Variants in PTPRK observed in about 807,000 individuals in gnomAD.
PTPRK encodes protein tyrosine phosphatase receptor type K.
PTPRK carries 75 observed loss-of-function variants against 178.0 expected under a neutral mutation model. The ratio of observed to expected loss-of-function variants is 0.42; its 90% confidence interval spans 0.35 to 0.51. PTPRK has a LOEUF of 0.51. PTPRK is among the 20% of genes least tolerant of loss of function. PTPRK has a pLI of 0.02. For missense variants in PTPRK, 1,441 were observed against 1,797.8 expected (o/e 0.80, Z 3.59); for synonymous variants, 637 against 620.6 (o/e 1.03, Z -0.39).
intron 1 of PTPRK, among the ~76,000 whole-genome samples, chr6:128,455,207 C>T (rs1379397830): frequency 6.6e-6 from 1 of 152,042 alleles, no homozygotes; most frequent in Non-Finnish European, 1.5e-5. Flanking sequence ...CACAAGTCAT[C>T]TAAATTAGCA....
intron 10 of PTPRK, 124 bp downstream of exon 10, chr6:128,082,313 A>G (rs964411492): frequency 1.2e-6 from 1 of 851,946 alleles, no homozygotes; most frequent in Non-Finnish European, 1.9e-6. Flanking sequence ...TCATTTATGC[A>G]TAACTATATT....
intron 2 of PTPRK, among the ~76,000 whole-genome samples, chr6:128,378,382 C>T (rs1365524223): frequency 6.6e-6 from 1 of 152,036 alleles, no homozygotes; most frequent in Non-Finnish European, 1.5e-5. Context: ...CAGACACACA[C>T]AGAGATGTAC....
intron 2 of PTPRK, among the ~76,000 whole-genome samples, chr6:128,392,289 T>C (rs1839706868): frequency 6.6e-6 from 1 of 152,172 alleles, no homozygotes; most frequent in African/African-American, 2.4e-5. Flanking sequence ...ATATACAGTG[T>C]GTGCATTTTA....
intron 7 of PTPRK, among the ~76,000 whole-genome samples, chr6:128,133,814 C>T (rs917845938): frequency 3.3e-5 from 5 of 151,502 alleles, no homozygotes; most frequent in Admixed American, 6.6e-5. Flanking sequence ...TGCCTTCCAA[C>T]GTGCTAGGAT....
chr6:128,472,125 C>A (rs1322469952), intron 1 of PTPRK, among the ~76,000 whole-genome samples: 2 of 152,110 alleles, frequency 1.3e-5, no homozygotes, highest in Non-Finnish European at 2.9e-5. Flanking sequence ...AAGGCTGCTT[C>A]TTCCCTCCAG....
At chr6:128,454,907 C>T (rs892841968) in intron 1 of PTPRK, among the ~76,000 whole-genome samples, 17 of 152,020 alleles carry the variant, frequency 1.1e-4, no homozygotes, top group African/African-American at 3.9e-4. Flanking sequence ...TTTTTTAATG[C>T]TCTCCTTTTA....
intron 13 of PTPRK, among the ~76,000 whole-genome samples, chr6:128,036,854 C>G (rs1162057185): frequency 6.6e-6 from 1 of 151,860 alleles, no homozygotes; most frequent in Non-Finnish European, 1.5e-5. Flanking sequence ...GCCTCAGTCT[C>G]TGGAGTAGCT....
At chr6:128,228,328 C>T (rs1402164533) in intron 5 of PTPRK, among the ~76,000 whole-genome samples, 3 of 151,768 alleles carry the variant, frequency 2.0e-5, no homozygotes, top group East Asian at 3.9e-4. Context: ...ATCAAGGGTA[C>T]AGATAAAGTA....
intron 2 of PTPRK, among the ~76,000 whole-genome samples, chr6:128,380,172 A>G (rs1455755033): frequency 6.6e-6 from 1 of 152,124 alleles, no homozygotes; most frequent in Non-Finnish European, 1.5e-5. Flanking sequence ...AAACCTACAG[A>G]TATTAGCCTC....
At chr6:128,182,844 A>G (rs1802147131) in intron 7 of PTPRK, among the ~76,000 whole-genome samples, 1 of 152,174 alleles carries the variant, frequency 6.6e-6, no homozygotes. Context: ...TAAGTTAAAC[A>G]AAAATTACAT....
chr6:128,219,465 C>T (rs1484494186), intron 5 of PTPRK, among the ~76,000 whole-genome samples: 1 of 152,146 alleles, frequency 6.6e-6, no homozygotes, highest in African/African-American at 2.4e-5. Context: ...GAATCTAATG[C>T]CACAGCTGAT....
intron 2 of PTPRK, among the ~76,000 whole-genome samples, chr6:128,344,507 T>C (rs190810200): frequency 2.0e-5 from 3 of 152,114 alleles, no homozygotes; most frequent in African/African-American, 7.2e-5. Context: ...CAGTCTTTTA[T>C]CCACCCCCTC....
intron 27 of PTPRK, among the ~76,000 whole-genome samples, chr6:127,975,011 C>T (rs949446656): frequency 6.6e-6 from 1 of 152,010 alleles, no homozygotes; most frequent in African/African-American, 2.4e-5. Context: ...ACTTAGTACT[C>T]TACAAACTTG....
chr6:128,441,460 A>T (rs755246581), intron 1 of PTPRK, among the ~76,000 whole-genome samples: 2 of 152,024 alleles, frequency 1.3e-5, no homozygotes, highest in Non-Finnish European at 2.9e-5. Flanking sequence ...CAAAAAAAAA[A>T]CAAAGATTAG....
chr6:128,109,287 C>A (rs1790242763), intron 7 of PTPRK, among the ~76,000 whole-genome samples: 1 of 152,118 alleles, frequency 6.6e-6, no homozygotes. Context: ...AACCCACATA[C>A]ATTATTAATA....
At chr6:128,339,938 G>A (rs1831446125) in intron 2 of PTPRK, among the ~76,000 whole-genome samples, 1 of 152,088 alleles carries the variant, frequency 6.6e-6, no homozygotes, top group Non-Finnish European at 1.5e-5. Flanking sequence ...TTTGGCCACT[G>A]TTCTAGTTGC....
chr6:128,136,875 G>A (rs1795096303), intron 7 of PTPRK, among the ~76,000 whole-genome samples: 2 of 152,108 alleles, frequency 1.3e-5, no homozygotes, highest in Admixed American at 1.3e-4. Flanking sequence ...CACGTACATG[G>A]TTTCTATCCA....
intron 27 of PTPRK, 112 bp from the exon 28 acceptor site, chr6:127,973,939 G>T: frequency 9.5e-7 from 1 of 1,054,092 alleles, no homozygotes; most frequent in Non-Finnish European, 1.4e-6. Context: ...ATTGAGTCTA[G>T]CTGATATAAA....
intron 5 of PTPRK, among the ~76,000 whole-genome samples, chr6:128,239,006 T>C (rs1296225644): frequency 1.3e-5 from 2 of 151,996 alleles, no homozygotes; most frequent in Non-Finnish European, 1.5e-5. Flanking sequence ...TCATTTATTA[T>C]AACCTTTATT....
Sources: allele counts gnomAD v4.1 joint callset (sites outside exome capture counted in the v4.1 genomes callset), GRCh38; gene constraint gnomAD v4.1.1; transcripts MANE v1.5; gene names NCBI Gene and HGNC (gene_info 2026-07-23, HGNC 2026-07-21).